Variants in TAS2R1 observed in about 807,000 individuals in gnomAD.
TAS2R1 encodes the protein taste receptor type 2 member 1.
For synonymous variants in TAS2R1, 141 were observed against 134.2 expected (o/e 1.05, Z -0.35); for missense variants, 370 against 353.4 (o/e 1.05, Z -0.38).
At chr5:9,880,612 C>T in the TAS2R1 span, among the ~76,000 whole-genome samples, 3 of 149,766 alleles carry the variant, frequency 2.0e-5, no homozygotes, top group Admixed American at 2.0e-4. Flanking sequence ...ACAAGAGCAC[C>T]ACCAGTTGTG....
chr5:9,643,931 A>T (rs534619910), intron 2 of TAS2R1, among the ~76,000 whole-genome samples: 1 of 152,298 alleles, frequency 6.6e-6, no homozygotes, highest in East Asian at 1.9e-4. Context: ...TCTGGGAATG[A>T]ACACTTCAGG....
intron 1 of TAS2R1, among the ~76,000 whole-genome samples, chr5:9,694,319 T>C (rs1579787165): frequency 6.6e-6 from 1 of 152,134 alleles, no homozygotes; most frequent in South Asian, 2.1e-4. Flanking sequence ...AGGGAAATGA[T>C]TTTCCGTAGT....
At chr5:9,653,210 G>A (rs891659755) in intron 2 of TAS2R1, among the ~76,000 whole-genome samples, 47 of 152,086 alleles carry the variant, frequency 3.1e-4, no homozygotes, top group Admixed American at 2.2e-3. Context: ...TGTAACATAC[G>A]TCAGAATGTC....
chr5:9,854,468 C>G, the TAS2R1 span: 2 of 152,138 alleles, frequency 1.3e-5, no homozygotes, highest in African/African-American at 4.8e-5. Flanking sequence ...ATTTCCATAA[C>G]AGTCTGTAGC....
chr5:9,671,600 A>G (rs1169576863), intron 1 of TAS2R1, among the ~76,000 whole-genome samples: 5 of 152,154 alleles, frequency 3.3e-5, no homozygotes, highest in African/African-American at 9.6e-5. Flanking sequence ...AAAGATCTCT[A>G]CAATGAGAAT....
At chr5:9,743,639 CA>C in the TAS2R1 span, among the ~76,000 whole-genome samples, 2 of 151,738 alleles carry the variant, frequency 1.3e-5, no homozygotes, top group African/African-American at 4.8e-5. Context: ...GTGGATTATA[CA>C]ACCCAAAACT....
intron 2 of TAS2R1, among the ~76,000 whole-genome samples, chr5:9,653,974 G>A (rs767713020): frequency 4.6e-5 from 7 of 152,126 alleles, no homozygotes; most frequent in Non-Finnish European, 7.4e-5. Flanking sequence ...TGCTTCATCT[G>A]TAGGTGACTG....
At chr5:9,742,907 A>C in the TAS2R1 span, among the ~76,000 whole-genome samples, 2 of 152,208 alleles carry the variant, frequency 1.3e-5, no homozygotes, top group Non-Finnish European at 2.9e-5. Flanking sequence ...ACCAAAAAAA[A>C]AGACATCAGT....
chr5:9,826,412 G>T, the TAS2R1 span, among the ~76,000 whole-genome samples: 1 of 152,084 alleles, frequency 6.6e-6, no homozygotes, highest in South Asian at 2.1e-4. Context: ...ATACCTACAT[G>T]ATCCCAGGGT....
At chr5:9,652,529 G>C (rs1740328465) in intron 2 of TAS2R1, among the ~76,000 whole-genome samples, 1 of 152,176 alleles carries the variant, frequency 6.6e-6, no homozygotes, top group Admixed American at 6.5e-5. Context: ...AAGACGGAAG[G>C]ATGTGGCTTC....
the TAS2R1 span, among the ~76,000 whole-genome samples, chr5:9,806,001 A>C: frequency 6.6e-6 from 1 of 152,072 alleles, no homozygotes. Flanking sequence ...GAAAACTCTA[A>C]AGACTCATCC....
the TAS2R1 span, among the ~76,000 whole-genome samples, chr5:9,844,165 G>A: frequency 3.5e-3 from 536 of 152,260 alleles, 3 homozygotes; most frequent in African/African-American, 0.012. Flanking sequence ...AAGTATGAAG[G>A]ATATAAACCA....
chr5:9,777,956 C>CTGCAA, the TAS2R1 span, among the ~76,000 whole-genome samples: 1 of 150,462 alleles, frequency 6.6e-6, no homozygotes, highest in Non-Finnish European at 1.5e-5. Context: ...TCTCGGCTCA[C>CTGCAA]TGCAAGCTCC....
chr5:9,666,733 G>C (rs1376276938), intron 1 of TAS2R1, among the ~76,000 whole-genome samples: 1 of 152,068 alleles, frequency 6.6e-6, no homozygotes, highest in African/African-American at 2.4e-5. Context: ...CAAGAAACAA[G>C]AAGGCAAAAC....
chr5:9,655,382 A>T (rs936165826), intron 2 of TAS2R1, among the ~76,000 whole-genome samples: 6 of 152,170 alleles, frequency 3.9e-5, no homozygotes, highest in Admixed American at 3.9e-4. Context: ...TTTCTGTAGG[A>T]TCAAAAAGAC....
At chr5:9,816,805 C>T in the TAS2R1 span, among the ~76,000 whole-genome samples, 1 of 152,074 alleles carries the variant, frequency 6.6e-6, no homozygotes, top group African/African-American at 2.4e-5. Context: ...CATTTATACA[C>T]TGTAAATATA....
At chr5:9,820,101 G>A in the TAS2R1 span, among the ~76,000 whole-genome samples, 1 of 151,978 alleles carries the variant, frequency 6.6e-6, no homozygotes, top group Non-Finnish European at 1.5e-5. Context: ...TCTGGAGAAA[G>A]GGGAAAAGAT....
At chr5:9,814,475 A>AT in the TAS2R1 span, among the ~76,000 whole-genome samples, 2 of 151,938 alleles carry the variant, frequency 1.3e-5, no homozygotes, top group Admixed American at 6.6e-5. Flanking sequence ...TCTCGAGCCC[A>AT]TTTTTTTTCA....
At chr5:9,878,695 G>T in the TAS2R1 span, among the ~76,000 whole-genome samples, 3 of 152,090 alleles carry the variant, frequency 2.0e-5, no homozygotes, top group African/African-American at 7.2e-5. Context: ...AGGTCAGCTG[G>T]GCTTCCTCCA....
Sources: allele counts gnomAD v4.1 joint callset (sites outside exome capture counted in the v4.1 genomes callset), GRCh38; gene constraint gnomAD v4.1.1; transcripts MANE v1.5; gene names NCBI Gene and HGNC (gene_info 2026-07-23, HGNC 2026-07-21).